GALNTL6: variants seen among roughly 807,000 people sequenced by gnomAD.
GALNTL6 encodes the protein polypeptide N-acetylgalactosaminyltransferase like 6.
Under a neutral mutation model 73.7 loss-of-function variants are expected in GALNTL6, and 46 were observed. That is an observed-to-expected ratio of 0.62 (90% CI 0.49 to 0.80). The LOEUF is 0.80. GALNTL6 is among the 30% of genes least tolerant of loss of function. The pLI, the probability that GALNTL6 is intolerant of heterozygous loss-of-function variation, is 0.00. For synonymous variants in GALNTL6, 259 were observed against 263.7 expected (o/e 0.98, Z 0.17); for missense variants, 604 against 755.0 (o/e 0.80, Z 2.34).
intron 3 of GALNTL6, among the ~76,000 whole-genome samples, chr4:172,298,853 C>T (rs1170994265): frequency 6.6e-6 from 1 of 152,086 alleles, no homozygotes; most frequent in Non-Finnish European, 1.5e-5. Flanking sequence ...CTCTGCCAGG[C>T]TTTGGTATCA....
chr4:172,760,275 G>A (rs1460004346), intron 5 of GALNTL6, among the ~76,000 whole-genome samples: 9 of 152,150 alleles, frequency 5.9e-5, no homozygotes, highest in Admixed American at 5.2e-4. Context: ...CTCCTTGTGG[G>A]TCTCAGCTTT....
chr4:172,692,140 T>C (rs1212608318), intron 5 of GALNTL6, among the ~76,000 whole-genome samples: 1 of 152,112 alleles, frequency 6.6e-6, no homozygotes, highest in Non-Finnish European at 1.5e-5. Context: ...AACTTTCAAA[T>C]AATCACTCTT....
intron 2 of GALNTL6, among the ~76,000 whole-genome samples, chr4:172,061,402 T>G (rs1389478240): frequency 1.3e-5 from 2 of 152,194 alleles, no homozygotes; most frequent in African/African-American, 4.8e-5. Flanking sequence ...TCAGCAGCCC[T>G]AGTCATATAT....
chr4:172,514,315 G>A (rs887288790), intron 5 of GALNTL6, among the ~76,000 whole-genome samples: 1 of 152,122 alleles, frequency 6.6e-6, no homozygotes, highest in African/African-American at 2.4e-5. Flanking sequence ...ATGTTCCCAG[G>A]GGGATTATGA....
intron 2 of GALNTL6, among the ~76,000 whole-genome samples, chr4:172,112,064 T>A (rs1371299772): frequency 6.6e-6 from 1 of 152,058 alleles, no homozygotes; most frequent in African/African-American, 2.4e-5. Context: ...CATCCATTCA[T>A]CCTCCCTGTG....
chr4:171,997,735 A>C (rs1740535405), intron 2 of GALNTL6, among the ~76,000 whole-genome samples: 1 of 152,136 alleles, frequency 6.6e-6, no homozygotes. Context: ...TCTTAAGGAA[A>C]GAACATAAAA....
chr4:172,230,924 C>T (rs144004078), intron 3 of GALNTL6, among the ~76,000 whole-genome samples: 1 of 152,116 alleles, frequency 6.6e-6, no homozygotes, highest in African/African-American at 2.4e-5. Flanking sequence ...GTGAAATGTT[C>T]GTAGCTCTGT....
At chr4:171,820,063 T>C (rs1336923229) in intron 2 of GALNTL6, among the ~76,000 whole-genome samples, 1 of 152,146 alleles carries the variant, frequency 6.6e-6, no homozygotes, top group African/African-American at 2.4e-5. Flanking sequence ...GTAGTCGTAA[T>C]GCTTGAATGG....
At chr4:172,739,488 G>A (rs1736677120) in intron 5 of GALNTL6, among the ~76,000 whole-genome samples, 1 of 151,836 alleles carries the variant, frequency 6.6e-6, no homozygotes, top group African/African-American at 2.4e-5. Context: ...TTAGTGGGTG[G>A]GTTTTATTTT....
intron 5 of GALNTL6, among the ~76,000 whole-genome samples, chr4:172,627,867 G>A (rs1295892720): frequency 1.3e-5 from 2 of 151,698 alleles, no homozygotes; most frequent in African/African-American, 2.4e-5. Flanking sequence ...TGTCATTCCT[G>A]ATTGTGCTTA....
At chr4:172,958,872 G>A (rs905862211) in intron 10 of GALNTL6, among the ~76,000 whole-genome samples, 2 of 152,154 alleles carry the variant, frequency 1.3e-5, no homozygotes, top group Admixed American at 1.3e-4. Flanking sequence ...ATAGAATAAT[G>A]GGTTTGTGGA....
intron 10 of GALNTL6, among the ~76,000 whole-genome samples, chr4:172,966,144 A>G (rs997984217): frequency 1.1e-4 from 16 of 152,232 alleles, no homozygotes; most frequent in African/African-American, 3.6e-4. Context: ...AAGTTAGCAT[A>G]TGTACAAAAA....
At chr4:172,212,554 A>G (rs899172173) in intron 2 of GALNTL6, among the ~76,000 whole-genome samples, 1 of 152,220 alleles carries the variant, frequency 6.6e-6, no homozygotes, top group Non-Finnish European at 1.5e-5. Flanking sequence ...GGTGTCCATG[A>G]TAACAGTATA....
chr4:172,697,338 A>T (rs1371045537), intron 5 of GALNTL6, among the ~76,000 whole-genome samples: 4 of 152,188 alleles, frequency 2.6e-5, no homozygotes, highest in African/African-American at 9.7e-5. Context: ...TCTCATCCTT[A>T]ACTAAAACCA....
At chr4:172,290,509 T>C (rs1739427807) in intron 3 of GALNTL6, among the ~76,000 whole-genome samples, 1 of 152,156 alleles carries the variant, frequency 6.6e-6, no homozygotes, top group African/African-American at 2.4e-5. Context: ...AATGATCTTA[T>C]AGCTTAGCTC....
chr4:172,983,377 A>C (rs2126438270), intron 10 of GALNTL6, among the ~76,000 whole-genome samples: 1 of 152,306 alleles, frequency 6.6e-6, no homozygotes, highest in South Asian at 2.1e-4. Context: ...ACAGGAAACT[A>C]AGACACCTTG....
In GALNTL6 at chr4:172,829,843, C is replaced by T. The variant is rs1742524047; in HGVS notation, c.923+16120C>T. 2.0e-5 allele frequency among the ~76,000 whole-genome samples: 3 copies of T among 152,178 alleles called. No individual in the cohort carries two copies. The South Asian group carries it at 6.2e-4, about 32-fold the overall frequency. On this transcript the variant is annotated intron_variant, in intron 7 of 12. Transcript: ENST00000506823. ...TTCTTCCAGTTTTATTTGAGAAATT[C>T]CCTAGAAGATATGGATAATTTTAAA...
At chr4:172,221,876 C>G (rs1167280075) in intron 2 of GALNTL6, among the ~76,000 whole-genome samples, 1 of 151,806 alleles carries the variant, frequency 6.6e-6, no homozygotes, top group African/African-American at 2.4e-5. Context: ...TGCTTAATAT[C>G]AGGGAGGATT....
intron 5 of GALNTL6, among the ~76,000 whole-genome samples, chr4:172,570,216 G>T (rs1248323638): frequency 2.0e-5 from 3 of 152,164 alleles, no homozygotes; most frequent in Admixed American, 6.5e-5. Flanking sequence ...AGCCCGGGCA[G>T]CCCAGTGTGG....
Sources: gnomAD v4.1 joint callset for allele counts (sites outside exome capture counted in the v4.1 genomes callset) on GRCh38, gnomAD v4.1.1 for gene constraint, MANE v1.5 for transcripts, NCBI Gene and HGNC (gene_info 2026-07-23, HGNC 2026-07-21) for gene names.